The following DRG1 variants were observed in gnomAD, a reference collection of about 807,000 sequenced individuals.
DRG1 encodes the protein developmentally-regulated GTP-binding protein 1.
DRG1 carries 19 observed loss-of-function variants against 38.8 expected under a neutral mutation model. That is an observed-to-expected ratio of 0.49 (90% confidence interval 0.34 to 0.72). The LOEUF is 0.72. Ranked by LOEUF, DRG1 falls within the 30% of genes least tolerant of loss-of-function variation. DRG1 has a pLI of 0.01. For synonymous variants in DRG1, 167 were observed against 157.5 expected (o/e 1.06, Z -0.45); for missense variants, 299 against 444.8 (o/e 0.67, Z 2.95).
chr22:31,400,805 A>C, intron 2 of DRG1, 62 bp downstream of exon 2: 2 of 1,553,686 alleles, frequency 1.3e-6, no homozygotes, highest in South Asian at 1.1e-5. Flanking sequence ...TAGTACATAC[A>C]TGTGGTTTAA....
intron 3 of DRG1, among the ~76,000 whole-genome samples, chr22:31,407,735 G>A (rs187063738): frequency 2.1e-5 from 3 of 140,912 alleles, no homozygotes; most frequent in African/African-American, 7.8e-5. Context: ...GAACTGTCTC[G>A]CACCTGCTAA....
At chr22:31,400,798 T>G in intron 2 of DRG1, 55 bp downstream of exon 2, 1 of 1,569,186 alleles carries the variant, frequency 6.4e-7, no homozygotes, top group Non-Finnish European at 8.7e-7. Context: ...GTCAAAATAG[T>G]ACATACATGT....
Position 31,423,420 on chromosome 22 carries a change from G to A in DRG1, c.713+10G>A. On this transcript the variant is annotated intron_variant, in intron 6 of 8. Transcript: ENST00000331457. ...TGGTGGAAGGAAACAGGTACTGACTGAGTGTGCAGTCTGTGCCTGACTGAA... is the reference window on the plus strand; with the variant it reads ...TGGTGGAAGGAAACAGGTACTGACTAAGTGTGCAGTCTGTGCCTGACTGAA... 1 of 1,613,432 alleles carries A rather than the reference G, an allele frequency of 6.2e-7. No homozygotes were observed.
intron 8 of DRG1, among the ~76,000 whole-genome samples, chr22:31,433,523 G>A (rs371937083): frequency 1.3e-5 from 2 of 152,094 alleles, no homozygotes; most frequent in South Asian, 2.1e-4. Context: ...CGCACCCTTC[G>A]GCCTCCCAAA....
chr22:31,400,801 A>G lies in DRG1; in HGVS notation c.166+58A>G, dbSNP rs1324578698. The G allele has an allele frequency of 2.6e-6, 4 of 1,563,718 alleles. No homozygotes were observed. In the African/African-American group the frequency reaches 5.5e-5, roughly 22 times the overall value. On this transcript the variant is annotated intron_variant, in intron 2 of 8. Coordinates refer to ENST00000331457, the MANE Select transcript of DRG1 (RefSeq NM_004147.4). The stretch of plus-strand genomic sequence containing the variant: ...GGTATAATTTTTGTCAAAATAGTAC[A>G]TACATGTGGTTTAAAAATAACTAAA...
At chr22:31,402,908 C>A (rs1244467992) in intron 2 of DRG1, 121 bp from the exon 3 acceptor site, 3 of 1,123,960 alleles carry the variant, frequency 2.7e-6, no homozygotes, top group South Asian at 1.7e-5. Context: ...TAAAGGTAAA[C>A]CATAAAAAGT....
intron 4 of DRG1, among the ~76,000 whole-genome samples, chr22:31,415,568 G>C (rs895269539): frequency 1.3e-5 from 2 of 152,054 alleles, no homozygotes; most frequent in Admixed American, 6.6e-5. Context: ...CACCATGTTG[G>C]CCAGGCTTGT....
chr22:31,433,592 A>T (rs1488410043), intron 8 of DRG1, among the ~76,000 whole-genome samples: 2 of 152,062 alleles, frequency 1.3e-5, no homozygotes, highest in African/African-American at 4.8e-5. Flanking sequence ...TCTATAACAA[A>T]TCCATGCTTT....
At chr22:31,416,935 T>C (rs1204557557) in intron 4 of DRG1, among the ~76,000 whole-genome samples, 2 of 148,782 alleles carry the variant, frequency 1.3e-5, no homozygotes, top group Admixed American at 6.7e-5. Flanking sequence ...TGTGGTGGTA[T>C]GCTTCTGTAG....
rs695603 is a variant in DRG1 at position 31,433,272 on chromosome 22, ATTT to A, written c.1005-585_1005-583del. ...ATTTCTCTATGAAGATTAAAGACGG[ATTT>A]TTTTTTTTTTTTTTGAGGCGGAGTT... is the stretch of plus-strand genomic sequence containing the variant. On this transcript the variant is annotated intron_variant, in intron 8 of 8. Transcript: ENST00000331457. 6.0e-5 allele frequency among the ~76,000 whole-genome samples: 8 copies of A among 132,634 alleles called. No individual in the cohort carries two copies. In the East Asian group the frequency reaches 1.6e-3, roughly 26 times the overall value. 87.0% of individuals were successfully genotyped at this position (132,634 alleles called of 152,430 possible).
At chr22:31,412,646 G>C (rs1164657105) in intron 4 of DRG1, among the ~76,000 whole-genome samples, 1 of 151,826 alleles carries the variant, frequency 6.6e-6, no homozygotes, top group Non-Finnish European at 1.5e-5. Context: ...ACCGTGCCTG[G>C]CCCTCTCTTT....
At chr22:31,403,643 G>A (rs1421138645) in intron 3 of DRG1, among the ~76,000 whole-genome samples, 2 of 152,016 alleles carry the variant, frequency 1.3e-5, no homozygotes, top group African/African-American at 4.8e-5. Flanking sequence ...CCACCATGCC[G>A]GGCTAATTTT....
At chr22:31,410,808 T>TC (rs2050014277) in intron 3 of DRG1, among the ~76,000 whole-genome samples, 1 of 148,306 alleles carries the variant, frequency 6.7e-6, no homozygotes, top group Admixed American at 6.7e-5. Context: ...AGCATGAAAC[T>TC]CCATCTCCAA....
At chr22:31,409,868 C>T (rs1601526699) in intron 3 of DRG1, among the ~76,000 whole-genome samples, 1 of 152,002 alleles carries the variant, frequency 6.6e-6, no homozygotes, top group African/African-American at 2.4e-5. Flanking sequence ...GTGGCATATG[C>T]CCTGTAGTCC....
At chr22:31,410,768 T>C (rs1601527060) in intron 3 of DRG1, among the ~76,000 whole-genome samples, 1 of 152,118 alleles carries the variant, frequency 6.6e-6, no homozygotes, top group Middle Eastern at 3.4e-3. Flanking sequence ...TGAGCTGAGA[T>C]TGTGCCGTTG....
At chr22:31,420,223 C>T (rs1485183041) in intron 4 of DRG1, 33 bp from the exon 5 acceptor site, 1 of 1,602,836 alleles carries the variant, frequency 6.2e-7, no homozygotes, top group Middle Eastern at 1.9e-4. Context: ...CTTTATTGAA[C>T]TTTCTTGCGT....
chr22:31,426,009 G>A (rs1165160010), intron 6 of DRG1, among the ~76,000 whole-genome samples: 2 of 152,166 alleles, frequency 1.3e-5, no homozygotes, highest in African/African-American at 2.4e-5. Context: ...GACATTGGTA[G>A]ATGCTATATC....
At chr22:31,430,041 G>A (rs1460510017) in intron 8 of DRG1, among the ~76,000 whole-genome samples, 1 of 152,136 alleles carries the variant, frequency 6.6e-6, no homozygotes, top group African/African-American at 2.4e-5. Context: ...CAGGATTACA[G>A]GCATCAGCCA....
chr22:31,406,489 T>C (rs957233119), intron 3 of DRG1, among the ~76,000 whole-genome samples: 5 of 152,064 alleles, frequency 3.3e-5, no homozygotes, highest in African/African-American at 4.8e-5. Context: ...TATAAACTTT[T>C]TGAGCTTGGC....
Sources: allele counts gnomAD v4.1 joint callset (sites outside exome capture counted in the v4.1 genomes callset), GRCh38; gene constraint gnomAD v4.1.1; transcripts MANE v1.5; gene names NCBI Gene and HGNC (gene_info 2026-07-23, HGNC 2026-07-21).